The following ARHGAP25 variants were observed in gnomAD, a reference collection of about 807,000 sequenced individuals.
The protein encoded by ARHGAP25 is Rho GTPase activating protein 25.
A neutral mutation model predicts 71.0 loss-of-function variants in ARHGAP25; 34 were observed. That is an observed-to-expected ratio of 0.48 (90% confidence interval 0.36 to 0.64). The LOEUF is 0.64. Among genes scored for constraint, ARHGAP25 ranks in the 30% least tolerant of loss-of-function variants. The probability of loss-of-function intolerance (pLI) is 0.00; values close to 1 mark genes in which losing one functional copy is unlikely to be tolerated. For synonymous variants in ARHGAP25, 282 were observed against 296.5 expected (o/e 0.95, Z 0.50); for missense variants, 706 against 805.1 (o/e 0.88, Z 1.49).
chr2:68,787,721 T>C, intron 3 of ARHGAP25, 119 bp from the exon 4 acceptor site: 1 of 779,298 alleles, frequency 1.3e-6, no homozygotes, highest in Non-Finnish European at 2.3e-6. Context: ...ATTTGTGTTG[T>C]TTGGCTGGTA....
chr2:68,766,160 C>T (rs1045210032), intron 1 of ARHGAP25, among the ~76,000 whole-genome samples: 1 of 152,216 alleles, frequency 6.6e-6, no homozygotes, highest in East Asian at 1.9e-4. Context: ...GGGGTCAGTA[C>T]TTCGATTGCT....
At chr2:68,822,929 G>T (rs1681819485) in intron 10 of ARHGAP25, 57 bp downstream of exon 10, 1 of 1,499,192 alleles carries the variant, frequency 6.7e-7, no homozygotes, top group Non-Finnish European at 8.9e-7. Flanking sequence ...AGAGACAAGA[G>T]GGATTGTTCC....
At chr2:68,724,816 T>C (rs1027186515) in intron 2 of ARHGAP25, among the ~76,000 whole-genome samples, 1 of 152,204 alleles carries the variant, frequency 6.6e-6, no homozygotes, top group African/African-American at 2.4e-5. Flanking sequence ...CTCGACCTTG[T>C]CATTTTTCCC....
intron 1 of ARHGAP25, among the ~76,000 whole-genome samples, chr2:68,741,996 C>G (rs1204243312): frequency 6.6e-6 from 1 of 152,220 alleles, no homozygotes; most frequent in Non-Finnish European, 1.5e-5. Context: ...TCTCATGCTG[C>G]AAGCACCCCT....
intron 2 of ARHGAP25, among the ~76,000 whole-genome samples, chr2:68,780,220 C>T (rs1439343281): frequency 6.6e-6 from 1 of 152,182 alleles, no homozygotes; most frequent in East Asian, 1.9e-4. Flanking sequence ...AGGGAATGCT[C>T]AATAAATGGC....
intron 2 of ARHGAP25, among the ~76,000 whole-genome samples, chr2:68,722,982 T>C (rs1674799177): frequency 6.6e-6 from 1 of 152,174 alleles, no homozygotes; most frequent in African/African-American, 2.4e-5. Flanking sequence ...AGCAGAGGGC[T>C]CCCATCACCT....
intron 1 of ARHGAP25, chr2:68,774,864 G>GA (rs1434341594): frequency 8.0e-7 from 1 of 1,254,450 alleles, no homozygotes; most frequent in African/African-American, 1.5e-5. Flanking sequence ...TCCCACGCAG[G>GA]AAAAAGGAAG....
At chr2:68,761,295 A>G (rs1676801814) in intron 1 of ARHGAP25, among the ~76,000 whole-genome samples, 1 of 152,140 alleles carries the variant, frequency 6.6e-6, no homozygotes, top group Non-Finnish European at 1.5e-5. Flanking sequence ...TTAGAAGAAG[A>G]CGTGGGGCAA....
At chr2:68,777,753 A>C (rs1399489082) in intron 2 of ARHGAP25, among the ~76,000 whole-genome samples, 2 of 152,340 alleles carry the variant, frequency 1.3e-5, no homozygotes, top group East Asian at 3.9e-4. Context: ...ACCTTTAGGA[A>C]TACAATAATA....
intron 1 of ARHGAP25, among the ~76,000 whole-genome samples, chr2:68,744,015 A>G (rs1223653513): frequency 1.3e-5 from 2 of 151,838 alleles, no homozygotes; most frequent in Non-Finnish European, 2.9e-5. Flanking sequence ...CTTTCTTTTT[A>G]GTACTCATGG....
chr2:68,769,551 A>T (rs114211847), intron 1 of ARHGAP25, among the ~76,000 whole-genome samples: 33 of 152,252 alleles, frequency 2.2e-4, no homozygotes, highest in African/African-American at 7.2e-4. Context: ...AGGATGAGCA[A>T]GGCCAAACAT....
chr2:68,736,827 G>C (rs537877457), intron 1 of ARHGAP25, among the ~76,000 whole-genome samples: 1 of 152,196 alleles, frequency 6.6e-6, no homozygotes, highest in South Asian at 2.1e-4. Flanking sequence ...GAAGGCCCAG[G>C]ATCCTGCATT....
intron 4 of ARHGAP25, 27 bp downstream of exon 4, chr2:68,787,983 G>T (rs768611258): frequency 5.3e-5 from 83 of 1,579,178 alleles, no homozygotes; most frequent in Middle Eastern, 1.7e-4. Flanking sequence ...GCTTTCCTGG[G>T]CAGGTGCCTA....
intron 4 of ARHGAP25, among the ~76,000 whole-genome samples, chr2:68,803,913 G>A (rs1049624684): frequency 2.6e-5 from 4 of 152,166 alleles, no homozygotes; most frequent in Non-Finnish European, 4.4e-5. Flanking sequence ...TGGAACCAGT[G>A]TCTTGCAGAG....
intron 4 of ARHGAP25, among the ~76,000 whole-genome samples, chr2:68,806,211 G>T (rs1263213952): frequency 6.6e-6 from 1 of 152,198 alleles, no homozygotes; most frequent in East Asian, 1.9e-4. Context: ...TAGTTCAAAA[G>T]AATGAAACGC....
chr2:68,714,185 A>G (rs1462377689), intron 2 of ARHGAP25, among the ~76,000 whole-genome samples: 1 of 151,970 alleles, frequency 6.6e-6, no homozygotes, highest in Non-Finnish European at 1.5e-5. Flanking sequence ...CTATTCAGGG[A>G]TTTGACTTCT....
intron 1 of ARHGAP25, among the ~76,000 whole-genome samples, chr2:68,755,322 G>C (rs992973984): frequency 6.6e-6 from 1 of 152,038 alleles, no homozygotes; most frequent in Admixed American, 6.5e-5. Context: ...TCCTCCCAAA[G>C]ATCATAAAAG....
At chr2:68,774,769 C>T (rs1677745121) in intron 1 of ARHGAP25, 1 of 1,022,612 alleles carries the variant, frequency 9.8e-7, no homozygotes, top group Non-Finnish European at 1.2e-6. Flanking sequence ...CAGGCAGCTT[C>T]CGGCGGCCTC....
intron 2 of ARHGAP25, chr2:68,710,702 A>T (rs1470448154): frequency 6.6e-6 from 1 of 152,174 alleles, no homozygotes; most frequent in Non-Finnish European, 1.5e-5. Flanking sequence ...GCAGCAGGTG[A>T]GTGACAGCTC....
Sources: allele counts gnomAD v4.1 joint callset (sites outside exome capture counted in the v4.1 genomes callset), GRCh38; gene constraint gnomAD v4.1.1; transcripts MANE v1.5; gene names NCBI Gene and HGNC (gene_info 2026-07-23, HGNC 2026-07-21).